ATP6V0A4: variants seen among roughly 807,000 people sequenced by gnomAD.
The protein encoded by ATP6V0A4 is ATPase H+ transporting V0 subunit a4, also known as V-type proton ATPase 116 kDa subunit a 4.
In ATP6V0A4, 86 loss-of-function variants were observed where a neutral mutation model predicts 107.3. The ratio of observed to expected loss-of-function variants is 0.80; its 90% confidence interval spans 0.67 to 0.96. The LOEUF is 0.96. Among genes scored for constraint, ATP6V0A4 ranks in the 40% least tolerant of loss-of-function variants. The pLI is 0.00. For synonymous variants in ATP6V0A4, 353 were observed against 381.4 expected (o/e 0.93, Z 0.87); for missense variants, 908 against 1,045.6 (o/e 0.87, Z 1.81).
chr7:138,760,848 A>T (rs1404944949), intron 7 of ATP6V0A4, among the ~76,000 whole-genome samples: 1 of 152,228 alleles, frequency 6.6e-6, no homozygotes, highest in Non-Finnish European at 1.5e-5. Flanking sequence ...AAAATGCCTC[A>T]ATTTCACTTA....
intron 11 of ATP6V0A4, among the ~76,000 whole-genome samples, chr7:138,749,987 G>A (rs775113392): frequency 6.6e-6 from 1 of 151,968 alleles, no homozygotes; most frequent in Non-Finnish European, 1.5e-5. Flanking sequence ...TCCCCTCTCC[G>A]TTTATCTAAC....
intron 20 of ATP6V0A4, among the ~76,000 whole-genome samples, chr7:138,713,518 C>G (rs776621168): frequency 6.6e-6 from 1 of 152,004 alleles, no homozygotes; most frequent in African/African-American, 2.4e-5. Flanking sequence ...ATGCTCAGTG[C>G]CAGGAATGCT....
intron 2 of ATP6V0A4, among the ~76,000 whole-genome samples, chr7:138,772,669 TG>T: frequency 6.6e-6 from 1 of 152,170 alleles, no homozygotes; most frequent in Non-Finnish European, 1.5e-5. Flanking sequence ...ACTGTGAAAC[TG>T]GGGGATGATC....
rs1807249905 is a variant in ATP6V0A4, at chr7:138,769,240, A to G, written c.129T>C (p.Asn43=). 1.2e-6 allele frequency: 2 copies of G among 1,612,004 alleles called. No homozygotes were observed. The highest frequency in any genetic ancestry group is 8.5e-7 in the Non-Finnish European group (1 of 1,179,910). ...CAAATTTCCTTTGAAAGCTGTTCAC[A>G]TTCATATTTAACTATGGGGGCGAAA... ...GLVQFKDLNM[N]VNSFQRKFVN... The change falls in exon 4 of 22, where the codon AAT becomes AAC. Residue 43 remains asparagine (N), a synonymous_variant. Transcript: ENST00000310018.
rs541089397 is a variant in ATP6V0A4 at position 138,734,013 on chromosome 7, G to A, written c.1691+123C>T. On this transcript the variant is annotated intron_variant, in intron 16 of 21. Transcript: ENST00000310018. ...CTTGGCTCAAGCCCAGATGCCCAGGGAAGTACCCCTCATAGGAAGAAAACT... is the reference window on the plus strand; with the variant it reads ...CTTGGCTCAAGCCCAGATGCCCAGGAAAGTACCCCTCATAGGAAGAAAACT... 4.1e-4 allele frequency: 467 copies of A among 1,126,988 alleles called. 1 individual carries two copies. Among genetic ancestry groups the A allele is most frequent in the Middle Eastern group, 2.0e-3 (10 of 5,058 alleles). The allele number at this position is 1,126,988 out of a possible 1,614,324, so 69.8% of individuals were successfully genotyped here. A position where few individuals can be genotyped will look rare whatever the true frequency, so the allele number is the denominator to read the frequency against.
intron 5 of ATP6V0A4, 151 bp from the exon 6 acceptor site, chr7:138,763,176 GACAC>G: frequency 1.2e-6 from 1 of 815,292 alleles, no homozygotes; most frequent in East Asian, 2.8e-5. Context: ...GACACACACA[GACAC>G]ACACAGACAC....
rs148991679 is a variant in ATP6V0A4 at position 138,785,585 on chromosome 7, G to A, written c.-18+573C>T. Among the ~76,000 whole-genome samples, 1,061 of 152,082 alleles carry A rather than the reference G, an allele frequency of 7.0e-3. 15 individuals are homozygous for A. The highest frequency in any genetic ancestry group is 0.024 in the African/African-American group (1,010 of 41,466). On this transcript the variant is annotated intron_variant, in intron 2 of 21. Transcript: ENST00000310018. ...ATGAGCCACTGCACCCAGCCAAGCT[G>A]AATACTTCTTCACTGTTGGCCAGGC...
At chr7:138,765,261 C>G (rs1021041635) in intron 5 of ATP6V0A4, among the ~76,000 whole-genome samples, 1 of 152,132 alleles carries the variant, frequency 6.6e-6, no homozygotes, top group African/African-American at 2.4e-5. Flanking sequence ...ACTCCATTAC[C>G]TCCCGTCTCA....
intron 21 of ATP6V0A4, among the ~76,000 whole-genome samples, chr7:138,708,016 A>G (rs541552421): frequency 1.1e-3 from 156 of 138,888 alleles, no homozygotes; most frequent in East Asian, 9.8e-3. Context: ...TTTATGTTTT[A>G]TTTTATTTAT....
chr7:138,756,157 A>G (rs1291865672), intron 9 of ATP6V0A4, among the ~76,000 whole-genome samples: 1 of 152,260 alleles, frequency 6.6e-6, no homozygotes, highest in Non-Finnish European at 1.5e-5. Context: ...TGTAAAATCC[A>G]AAACAAGTTA....
chr7:138,794,830 A>G (rs549769462), intron 1 of ATP6V0A4, among the ~76,000 whole-genome samples: 97 of 152,264 alleles, frequency 6.4e-4, no homozygotes, highest in Non-Finnish European at 1.3e-3. Context: ...TAAAGTAAAA[A>G]GTGGCCACAC....
rs537748494 is a variant in ATP6V0A4, at chr7:138,731,282, G to A, written c.1908+1595C>T. On this transcript the variant is annotated intron_variant, in intron 17 of 21. Transcript: ENST00000310018. ...TGGGTAGGGAAAGAGAACACAACTA[G>A]GAACTGAACTCATGAGAAGGGGCAT... Among the ~76,000 whole-genome samples, 99 of 151,762 alleles carry A rather than the reference G, an allele frequency of 6.5e-4. 1 individual carries two copies. The highest frequency in any genetic ancestry group is 2.4e-3 in the African/African-American group (98 of 41,366).
intron 2 of ATP6V0A4, among the ~76,000 whole-genome samples, chr7:138,777,878 A>G (rs1376133378): frequency 2.6e-5 from 4 of 152,180 alleles, no homozygotes; most frequent in Admixed American, 2.0e-4. Flanking sequence ...CTACAGGTTG[A>G]GTATCCCTAA....
intron 2 of ATP6V0A4, among the ~76,000 whole-genome samples, chr7:138,783,294 C>T (rs1453002311): frequency 6.6e-6 from 1 of 151,756 alleles, no homozygotes; most frequent in Non-Finnish European, 1.5e-5. Context: ...ACCATGGCTG[C>T]GTACGGTGGC....
At chr7:138,731,215 G>T (rs561052961) in intron 17 of ATP6V0A4, among the ~76,000 whole-genome samples, 2 of 152,160 alleles carry the variant, frequency 1.3e-5, no homozygotes, top group African/African-American at 4.8e-5. Context: ...GATTACAGGC[G>T]TGAGCCACTA....
intron 18 of ATP6V0A4, among the ~76,000 whole-genome samples, chr7:138,726,454 C>T (rs1225745078): frequency 6.6e-6 from 1 of 152,230 alleles, no homozygotes; most frequent in Non-Finnish European, 1.5e-5. Context: ...ACTCGCTGCC[C>T]ACGGGGCATG....
chr7:138,763,942 A>C (rs1439197766), intron 5 of ATP6V0A4, among the ~76,000 whole-genome samples: 4 of 149,302 alleles, frequency 2.7e-5, no homozygotes, highest in African/African-American at 9.9e-5. Context: ...CCTGGGAGAC[A>C]AAGCTTTTTT....
intron 2 of ATP6V0A4, 136 bp from the exon 3 acceptor site, chr7:138,771,400 CTT>C (rs199718487): frequency 8.5e-3 from 5,510 of 649,688 alleles, no homozygotes; most frequent in East Asian, 0.013. Context: ...TTTTAGGAGA[CTT>C]TTTTTTTTTT....
Position 138,771,133 on chromosome 7 carries a change from C to T in ATP6V0A4, c.115G>A (p.Asp39Asn). 6.2e-7 allele frequency: 1 copy of T among 1,613,924 alleles called. No individual in the cohort carries two copies. The highest frequency in any genetic ancestry group is 8.5e-7 in the Non-Finnish European group (1 of 1,179,858). Residue 39 changes from aspartate (D) to asparagine (N), a missense_variant and splice_region_variant, in exon 3 of 22, where the codon GAT (aspartate) becomes AAT (asparagine). Asp to Asn is a conservative substitution (Grantham distance 23). Transcript: ENST00000310018. ...TCTCCAAAGAACTCAGTACCTACAT[C>T]TTTGAACTGAACCAATCCGAGCTCT... is the stretch of plus-strand genomic sequence containing the variant. The part of the protein sequence containing the change: ...LGELGLVQFK[D>N]LNMNVNSFQR...
Sources: allele counts gnomAD v4.1 joint callset (sites outside exome capture counted in the v4.1 genomes callset), GRCh38; gene constraint gnomAD v4.1.1; transcripts MANE v1.5; gene names NCBI Gene and HGNC (gene_info 2026-07-23, HGNC 2026-07-21).